Variants in CNR2 observed in about 807,000 individuals in gnomAD.
The protein encoded by CNR2 is cannabinoid receptor 2, also known as cannabinoid receptor 2 (macrophage).
For synonymous variants in CNR2, 172 were observed against 182.2 expected, an observed-to-expected ratio of 0.94 and a Z score of 0.45; for missense variants, 379 against 439.9, an observed-to-expected ratio of 0.86 and a Z score of 1.24.
chr1:23,882,744 T>C (rs537715943), intron 1 of CNR2, among the ~76,000 whole-genome samples: 1 of 151,398 alleles, frequency 6.6e-6, no homozygotes, highest in South Asian at 2.1e-4. Flanking sequence ...CGCTTGAACC[T>C]GGGAGGCGGA....
chr1:23,894,825 C>T (rs1274368817), intron 1 of CNR2, among the ~76,000 whole-genome samples: 4 of 151,888 alleles, frequency 2.6e-5, no homozygotes, highest in African/African-American at 9.7e-5. Flanking sequence ...GGAATCCACT[C>T]TCTTGTCCAT....
At position 23,874,577 on chromosome 1, in the gene CNR2, A is replaced by C; in HGVS notation, c.1041T>G (p.Thr347=). Residue 347 remains threonine, a synonymous_variant, in exon 2 of 2, where the codon ACT becomes ACG. Coordinates refer to ENST00000374472, the MANE Select transcript of CNR2 (RefSeq NM_001841.3). ...VTETEADGKI[T]PWPDSRDLDL... is the part of the protein sequence containing the mutation. ...CTAGATCTCTGGAATCTGGCCACGG[A>C]GTGATTTTCCCATCAGCCTCTGTCT... 1 of 1,613,982 alleles carries C rather than the reference A, an allele frequency of 6.2e-7. No individual in the cohort carries two copies. The highest frequency in any genetic ancestry group is 1.1e-5 in the South Asian group (1 of 91,062).
intron 1 of CNR2, among the ~76,000 whole-genome samples, chr1:23,910,654 CAAAA>C (rs34083515): frequency 2.7e-3 from 88 of 32,182 alleles, no homozygotes; most frequent in Admixed American, 4.6e-3. Flanking sequence ...AACGCTGTCT[CAAAA>C]AAAAAAAAAA....
chr1:23,904,148 C>T (rs983004236), intron 1 of CNR2, among the ~76,000 whole-genome samples: 8 of 151,446 alleles, frequency 5.3e-5, no homozygotes, highest in African/African-American at 1.7e-4. Flanking sequence ...TGATGTCACT[C>T]AGAACTCTGG....
At chr1:23,902,748 A>C (rs1336397885) in intron 1 of CNR2, 1 of 1,530,518 alleles carries the variant, frequency 6.5e-7, no homozygotes, top group South Asian at 1.2e-5. Context: ...GGACCGCGCC[A>C]TTTGGGGCTC....
intron 1 of CNR2, among the ~76,000 whole-genome samples, chr1:23,894,445 A>AAAGG (rs140482048): frequency 0.31 from 25,197 of 81,338 alleles, 2,380 homozygotes; most frequent in East Asian, 0.47. Context: ...TTTTTTAATA[A>AAAGG]AAGGAAGGAA....
Position 23,898,328 on chromosome 1 carries a change from C to T in CNR2, c.-46+14918G>A, listed in dbSNP as rs1240403153. Among the ~76,000 whole-genome samples the T allele has an allele frequency of 6.8e-4, 88 of 130,016 alleles. 1 individual carries two copies. The highest frequency in any genetic ancestry group is 2.4e-3 in the African/African-American group (82 of 34,398). The allele number at this position is 130,016 out of a possible 152,430, so 85.3% of individuals were successfully genotyped here. A position where few individuals can be genotyped will look rare whatever the true frequency, so the allele number is the denominator to read the frequency against. ...CTGGGATTACAGGCGTGAGCCACCG[C>T]GCCCGGCTTTTTTTTTTTTTTTTTT... On this transcript the variant is annotated intron_variant, in intron 1 of 1. Coordinates refer to ENST00000374472, the MANE Select transcript of CNR2 (RefSeq NM_001841.3).
At chr1:23,881,457 G>A (rs983273858) in intron 1 of CNR2, among the ~76,000 whole-genome samples, 1 of 151,642 alleles carries the variant, frequency 6.6e-6, no homozygotes, top group African/African-American at 2.4e-5. Context: ...ACCAGGCCTG[G>A]TGGTGCACAC....
chr1:23,902,057 CA>C, intron 1 of CNR2: 8 of 1,561,702 alleles, frequency 5.1e-6, no homozygotes, highest in Admixed American at 1.7e-5. Flanking sequence ...GCGCCGTTGG[CA>C]AACTCCTCTA....
In CNR2 at chr1:23,904,820, A is replaced by G. The variant is rs199946353; in HGVS notation, c.-46+8426T>C. 2.0e-5 allele frequency among the ~76,000 whole-genome samples: 3 copies of G among 152,202 alleles called. No individual in the cohort carries two copies. In the East Asian group the frequency reaches 5.8e-4, roughly 29 times the overall value. ...TGTCCCCTGATGATGAGGACTTTTCATGGTGGCTTCTCTCTAAAGCAGGAG... is the reference window on the plus strand; with the variant it reads ...TGTCCCCTGATGATGAGGACTTTTCGTGGTGGCTTCTCTCTAAAGCAGGAG... On this transcript the variant is annotated intron_variant, in intron 1 of 1. Transcript: ENST00000374472.
rs1011531293 is a variant in CNR2 at position 23,873,006 on chromosome 1, T to C, written c.*1529A>G. 1 of 152,184 alleles carries C rather than the reference T, an allele frequency of 6.6e-6. No homozygotes were observed. Among genetic ancestry groups the C allele is most frequent in the African/African-American group, 2.4e-5 (1 of 41,460 alleles). 9.4% of individuals were successfully genotyped at this position (152,184 alleles called of 1,614,324 possible). A position where few individuals can be genotyped will look rare whatever the true frequency, so the allele number is the denominator to read the frequency against. On this transcript the variant is annotated 3_prime_UTR_variant, in exon 2 of 2. Coordinates refer to ENST00000374472, the MANE Select transcript of CNR2 (RefSeq NM_001841.3). ...GACCCTGCACAGAGCCTGGCTCATG[T>C]TTATGAGATGAATGAATAAGTGAAT...
At chr1:23,886,528 C>T (rs896173167) in intron 1 of CNR2, among the ~76,000 whole-genome samples, 3 of 152,188 alleles carry the variant, frequency 2.0e-5, no homozygotes, top group Non-Finnish European at 4.4e-5. Flanking sequence ...GTGGCCATGC[C>T]GGGGCTAGGT....
At chr1:23,878,821 A>G (rs893937070) in intron 1 of CNR2, among the ~76,000 whole-genome samples, 13 of 152,244 alleles carry the variant, frequency 8.5e-5, no homozygotes, top group Non-Finnish European at 1.9e-4. Context: ...TAATTTTAAG[A>G]GCAGATTTCT....
chr1:23,896,895 TTC>T (rs1491442259), intron 1 of CNR2, among the ~76,000 whole-genome samples: 1 of 151,240 alleles, frequency 6.6e-6, no homozygotes, highest in African/African-American at 2.4e-5. Flanking sequence ...TTTTTTTTTT[TTC>T]TTCTAGAGTC....
intron 1 of CNR2, among the ~76,000 whole-genome samples, chr1:23,878,631 G>A (rs990115179): frequency 2.6e-5 from 4 of 152,080 alleles, no homozygotes; most frequent in Non-Finnish European, 4.4e-5. Context: ...TGCCCACCTC[G>A]GCCTCCCAAA....
chr1:23,885,896 CGGCG>C (rs1640080508), intron 1 of CNR2, among the ~76,000 whole-genome samples: 1 of 10,880 alleles, frequency 9.2e-5, no homozygotes, highest in African/African-American at 3.6e-4. Context: ...AAAAGGGTGG[CGGCG>C]GGGGGGTGGC....
chr1:23,894,761 G>C (rs1332119181), intron 1 of CNR2, among the ~76,000 whole-genome samples: 1 of 14,694 alleles, frequency 6.8e-5, no homozygotes, highest in Non-Finnish European at 3.0e-4. Flanking sequence ...GTGAAATTTT[G>C]TCTCAAAAAA....
chr1:23,899,136 T>C (rs755583983), intron 1 of CNR2, among the ~76,000 whole-genome samples: 8 of 152,128 alleles, frequency 5.3e-5, no homozygotes, highest in Non-Finnish European at 1.2e-4. Context: ...CCCTTGGAGA[T>C]AGACTGTCTC....
chr1:23,874,811 C>T lies in CNR2; in HGVS notation c.807G>A (p.Leu269=). 1 of 1,614,202 alleles carries T rather than the reference C, an allele frequency of 6.2e-7. No homozygotes were observed. The part of the protein sequence containing the change: ...FPVLALMAHS[L]ATTLSDQVKK... ...TGACCTGGTCACTGAGCGTAGTGGC[C>T]AGGCTGTGGGCCATGAGGGCCAGCA... Residue 269 remains leucine, a synonymous_variant, in exon 2 of 2, where the codon CTG becomes CTA. Coordinates refer to ENST00000374472, the MANE Select transcript of CNR2 (RefSeq NM_001841.3).
Sources: allele counts gnomAD v4.1 joint callset (sites outside exome capture counted in the v4.1 genomes callset), GRCh38; gene constraint gnomAD v4.1.1; transcripts MANE v1.5; gene names NCBI Gene and HGNC (gene_info 2026-07-23, HGNC 2026-07-21).